SGMS1: variants seen among roughly 807,000 people sequenced by gnomAD.
The protein encoded by SGMS1 is phosphatidylcholine:ceramide cholinephosphotransferase 1.
Under a neutral mutation model 46.2 loss-of-function variants are expected in SGMS1, and 13 were observed. The observed-to-expected ratio is 0.28, with a 90% confidence interval of 0.18 to 0.45. The LOEUF is 0.45. Ranked by LOEUF, SGMS1 falls within the 20% of genes least tolerant of loss-of-function variation. The pLI is 1.00. For synonymous variants in SGMS1, 203 were observed against 187.8 expected, an observed-to-expected ratio of 1.08 and a Z score of -0.66; for missense variants, 324 against 519.9, an observed-to-expected ratio of 0.62 and a Z score of 3.66.
chr10:50,329,463 C>T (rs1230528916), intron 7 of SGMS1, among the ~76,000 whole-genome samples: 1 of 152,122 alleles, frequency 6.6e-6, no homozygotes, highest in Non-Finnish European at 1.5e-5. Context: ...ATTTTCTGCT[C>T]TTTGGCATTT....
chr10:50,563,742 C>CAAAAAA (rs60882939), intron 2 of SGMS1, among the ~76,000 whole-genome samples: 2 of 65,714 alleles, frequency 3.0e-5, no homozygotes, highest in South Asian at 5.5e-4. Flanking sequence ...GACTCCGTCT[C>CAAAAAA]AAAAAAAAAA....
chr10:50,538,683 C>G (rs180680185), intron 2 of SGMS1, among the ~76,000 whole-genome samples: 1 of 152,290 alleles, frequency 6.6e-6, no homozygotes, highest in East Asian at 1.9e-4. Context: ...TGACACCATT[C>G]CCCACTGACA....
At chr10:50,486,886 T>C (rs998693364) in intron 3 of SGMS1, among the ~76,000 whole-genome samples, 9 of 152,152 alleles carry the variant, frequency 5.9e-5, no homozygotes, top group Admixed American at 2.0e-4. Context: ...CTATTCACAA[T>C]AGTAAAGACA....
intron 3 of SGMS1, among the ~76,000 whole-genome samples, chr10:50,472,067 T>A (rs12267811): frequency 9.9e-5 from 15 of 152,278 alleles, no homozygotes; most frequent in African/African-American, 3.6e-4. Flanking sequence ...TATTTATTCA[T>A]TATTTTCTTT....
At chr10:50,397,730 G>T (rs1452232314) in intron 6 of SGMS1, among the ~76,000 whole-genome samples, 2 of 152,160 alleles carry the variant, frequency 1.3e-5, no homozygotes, top group Non-Finnish European at 2.9e-5. Flanking sequence ...ATGATAAAAT[G>T]CAACAGCTGT....
At chr10:50,488,232 T>G in intron 3 of SGMS1, among the ~76,000 whole-genome samples, 1 of 151,994 alleles carries the variant, frequency 6.6e-6, no homozygotes, top group East Asian at 1.9e-4. Context: ...CAGGCTGGTC[T>G]CGAATTCCTG....
At chr10:50,574,960 GGT>G (rs201800199) in intron 2 of SGMS1, among the ~76,000 whole-genome samples, 1,435 of 42,178 alleles carry the variant, frequency 0.034, 99 homozygotes, top group Middle Eastern at 0.06. Flanking sequence ...AGGAAAATGT[GGT>G]GTATATATAT....
chr10:50,504,677 C>CT (rs1291073082), intron 3 of SGMS1, among the ~76,000 whole-genome samples: 2 of 151,986 alleles, frequency 1.3e-5, no homozygotes, highest in Non-Finnish European at 2.9e-5. Context: ...ACACAGCCTC[C>CT]TATACAAACA....
intron 8 of SGMS1, among the ~76,000 whole-genome samples, chr10:50,321,233 T>C (rs937379003): frequency 1.3e-5 from 2 of 152,188 alleles, no homozygotes; most frequent in Non-Finnish European, 2.9e-5. Context: ...GAATAATAAA[T>C]GCATAGACAG....
chr10:50,494,593 G>A (rs374039147), intron 3 of SGMS1, among the ~76,000 whole-genome samples: 1 of 152,146 alleles, frequency 6.6e-6, no homozygotes, highest in Admixed American at 6.5e-5. Flanking sequence ...ACATGGACAC[G>A]TAGAGGGGAA....
At position 50,343,553 on chromosome 10, in the gene SGMS1, C is replaced by T. The variant is rs867467927; in HGVS notation, c.562G>A (p.Glu188Lys). ...CCTACAAGGATCATGCCATTAATTT[C>T]ACAAATAGAAAAGGCCCACTGCACC... The part of the protein sequence containing the change: ...NRVQWAFSIC[E>K]INGMILVGLW... The change falls in exon 7 of 11, where the codon GAA becomes AAA. Residue 188 changes from glutamate (E) to lysine (K), a missense_variant. Coordinates refer to ENST00000361781, the MANE Select transcript of SGMS1 (RefSeq NM_147156.4). The T allele has an allele frequency of 6.2e-7, 1 of 1,614,008 alleles. No homozygotes were observed. The highest frequency in any genetic ancestry group is 8.5e-7 in the Non-Finnish European group (1 of 1,180,022).
At chr10:50,331,963 A>C (rs1273842380) in intron 7 of SGMS1, among the ~76,000 whole-genome samples, 1 of 152,158 alleles carries the variant, frequency 6.6e-6, no homozygotes, top group Non-Finnish European at 1.5e-5. Context: ...CCAGTCTACG[A>C]TATTTTGTTA....
At chr10:50,522,364 C>A (rs1837864087) in intron 2 of SGMS1, among the ~76,000 whole-genome samples, 1 of 152,044 alleles carries the variant, frequency 6.6e-6, no homozygotes, top group African/African-American at 2.4e-5. Flanking sequence ...TTGTATCTAC[C>A]CTGTCTCTAA....
At chr10:50,446,085 C>A (rs1306675057) in intron 5 of SGMS1, among the ~76,000 whole-genome samples, 1 of 152,142 alleles carries the variant, frequency 6.6e-6, no homozygotes, top group Non-Finnish European at 1.5e-5. Context: ...TGCTCTCAAA[C>A]CCTGTCTCCT....
chr10:50,441,423 T>C (rs1445798806), intron 5 of SGMS1, among the ~76,000 whole-genome samples: 1 of 152,202 alleles, frequency 6.6e-6, no homozygotes, highest in African/African-American at 2.4e-5. Context: ...AAAAAAGGTG[T>C]CATTCAACTG....
intron 6 of SGMS1, among the ~76,000 whole-genome samples, chr10:50,362,756 G>C (rs1848270335): frequency 6.6e-6 from 1 of 152,136 alleles, no homozygotes; most frequent in Admixed American, 6.5e-5. Flanking sequence ...GTTTGAAGAG[G>C]CTATGAAATA....
In SGMS1 at chr10:50,573,654, G is replaced by A. The variant is rs937364148; in HGVS notation, c.-589+16499C>T. The stretch of plus-strand genomic sequence containing the variant: ...CCAAAGAAAATTTTTTACAGGAATA[G>A]AAAGACAAAAATCCTAAAATTTGTA... On this transcript the variant is annotated intron_variant, in intron 2 of 10. Transcript: ENST00000361781. Among the ~76,000 whole-genome samples, 7 of 152,050 alleles carry A rather than the reference G, an allele frequency of 4.6e-5. No homozygotes were observed. The South Asian group carries it at 1.4e-3, about 31-fold the overall frequency.
intron 6 of SGMS1, among the ~76,000 whole-genome samples, chr10:50,395,786 A>T (rs1413568760): frequency 1.3e-5 from 2 of 152,222 alleles, no homozygotes; most frequent in Non-Finnish European, 2.9e-5. Flanking sequence ...TTCCGGCATC[A>T]CTTTAAAGAA....
chr10:50,495,654 T>G (rs1039177725), intron 3 of SGMS1, among the ~76,000 whole-genome samples: 6 of 152,140 alleles, frequency 3.9e-5, no homozygotes, highest in African/African-American at 1.4e-4. Flanking sequence ...AAGGTTTAAG[T>G]AGGGGGCTGG....
Sources: gnomAD v4.1 joint callset for allele counts (sites outside exome capture counted in the v4.1 genomes callset) on GRCh38, gnomAD v4.1.1 for gene constraint, MANE v1.5 for transcripts, NCBI Gene and HGNC (gene_info 2026-07-23, HGNC 2026-07-21) for gene names.